CDK8: variants seen among roughly 807,000 people sequenced by gnomAD.
CDK8 encodes the protein cyclin dependent kinase 8, also known as cyclin-dependent kinase 8.
A neutral mutation model predicts 71.5 loss-of-function variants in CDK8; 29 were observed. The ratio of observed to expected loss-of-function variants is 0.41; its 90% CI spans 0.30 to 0.55. The LOEUF is 0.55. Ranked by LOEUF, CDK8 falls within the 20% of genes least tolerant of loss-of-function variation. The pLI is 0.37. For synonymous variants in CDK8, 161 were observed against 192.1 expected (o/e 0.84, Z 1.34); for missense variants, 288 against 572.6 (o/e 0.50, Z 5.07).
At chr13:26,294,645 T>C (rs1451114728) in intron 1 of CDK8, among the ~76,000 whole-genome samples, 2 of 152,216 alleles carry the variant, frequency 1.3e-5, no homozygotes, top group Non-Finnish European at 2.9e-5. Flanking sequence ...AATTTGCATT[T>C]CCCTGATGAT....
chr13:26,256,524 C>T (rs1325245228), intron 1 of CDK8, among the ~76,000 whole-genome samples: 1 of 152,094 alleles, frequency 6.6e-6, no homozygotes, highest in Non-Finnish European at 1.5e-5. Context: ...TCATAAATTA[C>T]CAATTTAAGC....
intron 4 of CDK8, among the ~76,000 whole-genome samples, chr13:26,364,574 C>G (rs73160340): frequency 6.6e-6 from 1 of 152,092 alleles, no homozygotes; most frequent in South Asian, 2.1e-4. Flanking sequence ...TCCTTCTATA[C>G]CTTTCAAATT....
At chr13:26,311,095 T>C (rs1316847182) in intron 1 of CDK8, among the ~76,000 whole-genome samples, 2 of 151,706 alleles carry the variant, frequency 1.3e-5, no homozygotes, top group Non-Finnish European at 2.9e-5. Flanking sequence ...ACTGCAGATT[T>C]TTAACATGTA....
intron 4 of CDK8, among the ~76,000 whole-genome samples, chr13:26,379,053 T>G (rs1875089865): frequency 6.6e-6 from 1 of 152,192 alleles, no homozygotes; most frequent in Non-Finnish European, 1.5e-5. Flanking sequence ...CCCATTAGAT[T>G]ACATTCAGAA....
At chr13:26,375,801 GT>G (rs926059246) in intron 4 of CDK8, among the ~76,000 whole-genome samples, 18 of 152,196 alleles carry the variant, frequency 1.2e-4, no homozygotes, top group African/African-American at 4.3e-4. Flanking sequence ...CATTTAAAAA[GT>G]TTTTAAAAGT....
At chr13:26,339,756 A>ATATATATAT (rs57119146) in intron 2 of CDK8, among the ~76,000 whole-genome samples, 19 of 142,998 alleles carry the variant, frequency 1.3e-4, no homozygotes, top group African/African-American at 4.9e-4. Flanking sequence ...TTAAAAAAAA[A>ATATATATAT]ATATATATAT....
intron 1 of CDK8, among the ~76,000 whole-genome samples, chr13:26,329,966 TC>T (rs568587378): frequency 6.6e-6 from 1 of 152,226 alleles, no homozygotes; most frequent in Non-Finnish European, 1.5e-5. Context: ...TGTTTCCACT[TC>T]CTGGGGTGTC....
chr13:26,395,279 C>T (rs1295758358), intron 7 of CDK8, among the ~76,000 whole-genome samples: 5 of 152,034 alleles, frequency 3.3e-5, no homozygotes, highest in Non-Finnish European at 5.9e-5. Flanking sequence ...GGAGAAACCC[C>T]GTCTCTACCA....
intron 4 of CDK8, among the ~76,000 whole-genome samples, chr13:26,358,184 A>T (rs1432600503): frequency 6.6e-6 from 1 of 152,152 alleles, no homozygotes; most frequent in African/African-American, 2.4e-5. Context: ...CTGTAGTCCC[A>T]GCTACTTGGG....
At chr13:26,352,247 GCT>G (rs1565982598) in intron 3 of CDK8, among the ~76,000 whole-genome samples, 1 of 151,452 alleles carries the variant, frequency 6.6e-6, no homozygotes, top group Non-Finnish European at 1.5e-5. Context: ...ATGGAGTCTC[GCT>G]CTGTCGCCCA....
intron 1 of CDK8, among the ~76,000 whole-genome samples, chr13:26,291,031 A>T (rs969360913): frequency 6.6e-6 from 1 of 150,752 alleles, no homozygotes; most frequent in African/African-American, 2.4e-5. Context: ...AGGCAGGAGG[A>T]TTGCTTGAAC....
chr13:26,270,380 ACT>A (rs1201353070), intron 1 of CDK8, among the ~76,000 whole-genome samples: 1 of 146,796 alleles, frequency 6.8e-6, no homozygotes, highest in Non-Finnish European at 1.5e-5. Context: ...CAAGAGCGAA[ACT>A]CTGTCTCAAA....
At chr13:26,368,342 A>G (rs1874489188) in intron 4 of CDK8, among the ~76,000 whole-genome samples, 1 of 152,150 alleles carries the variant, frequency 6.6e-6, no homozygotes, top group Non-Finnish European at 1.5e-5. Flanking sequence ...TAAAAACCAA[A>G]TCACATCGTG....
At chr13:26,264,028 T>C (rs1025420380) in intron 1 of CDK8, among the ~76,000 whole-genome samples, 25 of 152,354 alleles carry the variant, frequency 1.6e-4, no homozygotes, top group Non-Finnish European at 3.1e-4. Context: ...ATTACTGGCG[T>C]GAGCCACCGC....
At chr13:26,293,075 T>A (rs1873374849) in intron 1 of CDK8, among the ~76,000 whole-genome samples, 1 of 152,202 alleles carries the variant, frequency 6.6e-6, no homozygotes, top group Non-Finnish European at 1.5e-5. Flanking sequence ...AAAGTACTTG[T>A]CCTTCAATTT....
At chr13:26,321,757 A>G (rs985656085) in intron 1 of CDK8, among the ~76,000 whole-genome samples, 4 of 152,010 alleles carry the variant, frequency 2.6e-5, no homozygotes, top group African/African-American at 7.2e-5. Flanking sequence ...CTATATATAC[A>G]TGTATATCTT....
chr13:26,289,749 AC>A (rs1041035411), intron 1 of CDK8, among the ~76,000 whole-genome samples: 15 of 152,082 alleles, frequency 9.9e-5, no homozygotes, highest in Admixed American at 7.9e-4. Context: ...ATGGGGTTTC[AC>A]TGTGTTAGCC....
intron 1 of CDK8, among the ~76,000 whole-genome samples, chr13:26,321,439 A>T (rs370201825): frequency 2.2e-4 from 34 of 151,444 alleles, no homozygotes; most frequent in African/African-American, 7.9e-4. Context: ...CAAGGTGAAA[A>T]GTGTTCTGGA....
intron 1 of CDK8, among the ~76,000 whole-genome samples, chr13:26,289,626 C>T (rs1384813101): frequency 6.6e-6 from 1 of 152,062 alleles, no homozygotes; most frequent in Non-Finnish European, 1.5e-5. Context: ...TCTCGGCTCA[C>T]TGCAAGCTCC....
Sources: allele counts gnomAD v4.1 joint callset (sites outside exome capture counted in the v4.1 genomes callset), GRCh38; gene constraint gnomAD v4.1.1; transcripts MANE v1.5; gene names NCBI Gene and HGNC (gene_info 2026-07-23, HGNC 2026-07-21).